Variants in COL19A1 observed in about 807,000 individuals in gnomAD.
COL19A1 encodes the protein collagen alpha-1(XIX) chain.
A neutral mutation model predicts 190.2 loss-of-function variants in COL19A1; 159 were observed. That is an observed-to-expected ratio of 0.84 (90% CI 0.73 to 0.95). The LOEUF is 0.95. Among genes scored for constraint, COL19A1 ranks in the 40% least tolerant of loss-of-function variants. The probability of loss-of-function intolerance (pLI) is 0.00; values close to 1 mark genes in which losing one functional copy is unlikely to be tolerated. For synonymous variants in COL19A1, 509 were observed against 458.9 expected (o/e 1.11, Z -1.39); for missense variants, 1,418 against 1,431.9 (o/e 0.99, Z 0.16).
At chr6:70,126,309 C>T (rs1414258023) in intron 17 of COL19A1, among the ~76,000 whole-genome samples, 3 of 152,182 alleles carry the variant, frequency 2.0e-5, no homozygotes, top group Non-Finnish European at 2.9e-5. Context: ...TTAAACCCAA[C>T]GATGGCATAT....
intron 11 of COL19A1, among the ~76,000 whole-genome samples, chr6:70,009,589 A>C (rs1283896478): frequency 1.3e-5 from 2 of 152,092 alleles, no homozygotes; most frequent in South Asian, 2.1e-4. Flanking sequence ...AAATGCAACA[A>C]ATTTTTCTAG....
intron 1 of COL19A1, among the ~76,000 whole-genome samples, chr6:69,872,856 G>C (rs971394454): frequency 6.6e-6 from 1 of 152,216 alleles, no homozygotes; most frequent in Non-Finnish European, 1.5e-5. Flanking sequence ...TAGCACTGGG[G>C]AACTCTGGGG....
Position 70,167,017 on chromosome 6 carries a change from C to G in COL19A1, c.2446-1008C>G, listed in dbSNP as rs538175822. ...AAACACAGTTTAAATGTTTTCTTCC[C>G]TGGGAAACCTCCTTTGGAAATCTCA... On this transcript the variant is annotated intron_variant, in intron 37 of 50. Coordinates refer to ENST00000620364, the MANE Select transcript of COL19A1 (RefSeq NM_001858.6). 5.9e-5 allele frequency among the ~76,000 whole-genome samples: 9 copies of G among 152,326 alleles called. No individual in the cohort carries two copies. The East Asian group carries it at 1.7e-3, about 29-fold the overall frequency.
rs983087313 is a variant in COL19A1, at chr6:70,207,436, G to A, written c.*162G>A. Reference sequence around the variant, plus strand: ...CAACCGTTTGAATCCTATTCCTATAGCAATTGCAAATCAGCATTTTTTGAT... The same window carrying A: ...CAACCGTTTGAATCCTATTCCTATAACAATTGCAAATCAGCATTTTTTGAT... On this transcript the variant is annotated 3_prime_UTR_variant, in exon 51 of 51. Coordinates refer to ENST00000620364, the MANE Select transcript of COL19A1 (RefSeq NM_001858.6). The A allele has an allele frequency of 7.3e-5, 40 of 546,960 alleles. No homozygotes were observed. The highest frequency in any genetic ancestry group is 9.1e-5 in the Non-Finnish European group (33 of 364,584). 33.9% of individuals were successfully genotyped at this position (546,960 alleles called of 1,614,324 possible).
chr6:69,905,941 C>A (rs9294855), intron 4 of COL19A1, among the ~76,000 whole-genome samples: 46,514 of 151,958 alleles, frequency 0.31, 8,661 homozygotes, highest in African/African-American at 0.52. Context: ...TCTTATATCT[C>A]CAAGTATCCC....
intron 18 of COL19A1, among the ~76,000 whole-genome samples, chr6:70,136,777 T>C (rs1202390785): frequency 6.6e-6 from 1 of 152,164 alleles, no homozygotes; most frequent in African/African-American, 2.4e-5. Flanking sequence ...TACTTTATTA[T>C]GTTTTCTGTA....
intron 9 of COL19A1, among the ~76,000 whole-genome samples, chr6:69,939,824 A>G (rs572252562): frequency 1.4e-4 from 21 of 152,244 alleles, no homozygotes; most frequent in African/African-American, 4.3e-4. Flanking sequence ...CTCTCCATAC[A>G]TAAGTTTTCT....
intron 11 of COL19A1, among the ~76,000 whole-genome samples, chr6:70,003,456 T>C (rs1777402054): frequency 6.6e-6 from 1 of 152,204 alleles, no homozygotes; most frequent in Non-Finnish European, 1.5e-5. Flanking sequence ...ATCTGTCTAA[T>C]ATTGACAGTG....
At chr6:69,913,883 T>C (rs2149990201) in intron 4 of COL19A1, among the ~76,000 whole-genome samples, 1 of 152,054 alleles carries the variant, frequency 6.6e-6, no homozygotes, top group East Asian at 1.9e-4. Flanking sequence ...AAAGCAACAG[T>C]TGAGCTCTCG....
chr6:70,150,721 T>G (rs1157915130), intron 30 of COL19A1, among the ~76,000 whole-genome samples: 1 of 152,170 alleles, frequency 6.6e-6, no homozygotes, highest in Non-Finnish European at 1.5e-5. Flanking sequence ...CCACAGTGTT[T>G]GGGCCTTATG....
chr6:69,879,561 A>G lies in COL19A1; in HGVS notation c.-7A>G, dbSNP rs1437205495. 2 of 1,613,566 alleles carry G rather than the reference A, an allele frequency of 1.2e-6. No homozygotes were observed. The highest frequency in any genetic ancestry group is 2.7e-5 in the African/African-American group (2 of 75,012). Reference sequence around the variant, plus strand: ...ATCCGTGGCCGTTCACATGGTTTCAAGGCACAATGAGACTCACTGGCCCTT... The same window carrying G: ...ATCCGTGGCCGTTCACATGGTTTCAGGGCACAATGAGACTCACTGGCCCTT... On this transcript the variant is annotated 5_prime_UTR_variant, in exon 2 of 51. Transcript: ENST00000620364.
At chr6:70,066,201 A>T (rs1035940603) in intron 14 of COL19A1, among the ~76,000 whole-genome samples, 10 of 152,208 alleles carry the variant, frequency 6.6e-5, no homozygotes, top group African/African-American at 2.4e-4. Context: ...AACCAACCCA[A>T]ATGTCCAACA....
intron 11 of COL19A1, among the ~76,000 whole-genome samples, chr6:69,968,343 T>A (rs993712761): frequency 6.6e-6 from 1 of 152,224 alleles, no homozygotes; most frequent in Non-Finnish European, 1.5e-5. Context: ...ATTAAAAATA[T>A]ATCAGCAATT....
intron 16 of COL19A1, among the ~76,000 whole-genome samples, chr6:70,105,024 T>G (rs1028137525): frequency 6.6e-6 from 1 of 152,034 alleles, no homozygotes; most frequent in Non-Finnish European, 1.5e-5. Flanking sequence ...GGGAGAGAGG[T>G]GCTTATTTTT....
chr6:70,128,262 A>G (rs1182384710), intron 17 of COL19A1, among the ~76,000 whole-genome samples: 1 of 152,226 alleles, frequency 6.6e-6, no homozygotes, highest in Non-Finnish European at 1.5e-5. Flanking sequence ...TCTAAAACTC[A>G]GAAGGGAAGT....
intron 49 of COL19A1, among the ~76,000 whole-genome samples, chr6:70,203,638 G>A (rs569623278): frequency 6.8e-6 from 1 of 147,378 alleles, no homozygotes; most frequent in Non-Finnish European, 1.5e-5. Flanking sequence ...GCCTTTTTCC[G>A]GTATGTATAC....
chr6:69,950,915 A>G (rs1434085499), intron 9 of COL19A1, among the ~76,000 whole-genome samples: 1 of 151,912 alleles, frequency 6.6e-6, no homozygotes, highest in African/African-American at 2.4e-5. Context: ...ATATTTCTCT[A>G]GAAGTGGGGA....
intron 15 of COL19A1, among the ~76,000 whole-genome samples, chr6:70,075,788 A>G (rs1288982841): frequency 6.6e-6 from 1 of 152,200 alleles, no homozygotes; most frequent in Non-Finnish European, 1.5e-5. Context: ...AGAAAAAAAA[A>G]AATTGTAAGC....
chr6:70,070,624 T>G (rs1781492192), intron 15 of COL19A1, among the ~76,000 whole-genome samples: 1 of 152,134 alleles, frequency 6.6e-6, no homozygotes, highest in Non-Finnish European at 1.5e-5. Flanking sequence ...ATAAGCTACT[T>G]GAATGGGAAA....
Sources: gnomAD v4.1 joint callset for allele counts (sites outside exome capture counted in the v4.1 genomes callset) on GRCh38, gnomAD v4.1.1 for gene constraint, MANE v1.5 for transcripts, NCBI Gene and HGNC (gene_info 2026-07-23, HGNC 2026-07-21) for gene names.